The following NME7 variants were observed in gnomAD, a reference collection of about 807,000 sequenced individuals.
NME7 encodes nucleoside diphosphate kinase 7.
In NME7, 41 loss-of-function variants were observed where a neutral mutation model predicts 49.1. The ratio of observed to expected loss-of-function variants is 0.83; its 90% CI spans 0.65 to 1.08. The LOEUF (loss-of-function observed/expected upper bound fraction) is 1.08, where lower values mean the gene tolerates loss of function less well. Among genes scored for constraint, NME7 ranks in the 50% least tolerant of loss-of-function variants. The pLI is 0.00. For missense variants in NME7, 423 were observed against 463.4 expected, an observed-to-expected ratio of 0.91 and a Z score of 0.80; for synonymous variants, 139 against 150.6, an observed-to-expected ratio of 0.92 and a Z score of 0.56.
At position 169,309,962 on chromosome 1, in the gene NME7, A is replaced by C; in HGVS notation, c.389+8T>G. The C allele has an allele frequency of 2.0e-6, 3 of 1,483,610 alleles. No individual in the cohort carries two copies. Among genetic ancestry groups the C allele is most frequent in the Non-Finnish European group, 2.8e-6 (3 of 1,077,150 alleles). The allele number at this position is 1,483,610 out of a possible 1,614,324, so 91.9% of individuals were successfully genotyped here. On this transcript the variant is annotated splice_region_variant and intron_variant, in intron 4 of 11. Transcript: ENST00000367811. Reference sequence around the variant, plus strand: ...ACATTACATAACTGAAAATGATAAAAAAATTACCTTGAAAGCATCATCATT... The same window carrying C: ...ACATTACATAACTGAAAATGATAAACAAATTACCTTGAAAGCATCATCATT...
intron 1 of NME7, among the ~76,000 whole-genome samples, chr1:169,366,994 C>T (rs769987853): frequency 4.6e-5 from 7 of 152,110 alleles, no homozygotes; most frequent in Non-Finnish European, 1.0e-4. Context: ...CTAGAACCCT[C>T]TCAAACATAG....
At chr1:169,150,796 T>C (rs1031413882) in intron 11 of NME7, among the ~76,000 whole-genome samples, 1 of 148,314 alleles carries the variant, frequency 6.7e-6, no homozygotes, top group African/African-American at 2.5e-5. Flanking sequence ...CAAGTTCAGA[T>C]AGGTACAGAG....
Position 169,298,688 on chromosome 1 carries a change from C to A in NME7, c.516G>T (p.Trp172Cys). ...AGTTTGCAGGTCCCAGCAGTCTTTT[C>A]CATTCACATATAGCATCATCTCTTA... ...EILRDDAICE[W>C]KRLLGPANSG... Residue 172 changes from tryptophan to cysteine, a missense_variant, in exon 6 of 12, where the codon TGG becomes TGT. Physicochemically the swap from Trp to Cys is radical, Grantham distance 215. Coordinates refer to ENST00000367811, the MANE Select transcript of NME7 (RefSeq NM_013330.5). 6.2e-7 allele frequency: 1 copy of A among 1,613,910 alleles called. No homozygotes were observed. Among genetic ancestry groups the A allele is most frequent in the Non-Finnish European group, 8.5e-7 (1 of 1,179,904 alleles).
chr1:169,210,983 C>A (rs565140503), intron 10 of NME7, among the ~76,000 whole-genome samples: 2 of 139,418 alleles, frequency 1.4e-5, no homozygotes, highest in Non-Finnish European at 1.6e-5. Flanking sequence ...TCATATAGAT[C>A]ATAAGCTCTT....
intron 1 of NME7, among the ~76,000 whole-genome samples, chr1:169,346,091 G>A (rs1652943379): frequency 6.6e-6 from 1 of 151,930 alleles, no homozygotes; most frequent in Non-Finnish European, 1.5e-5. Flanking sequence ...CCTACTCCAA[G>A]CCACCATACT....
chr1:169,322,725 A>C (rs1472384556), intron 3 of NME7, among the ~76,000 whole-genome samples: 1 of 151,840 alleles, frequency 6.6e-6, no homozygotes, highest in Non-Finnish European at 1.5e-5. Context: ...AGGCAGCATT[A>C]GTTACAAACA....
At chr1:169,163,902 C>T (rs755955810) in intron 11 of NME7, among the ~76,000 whole-genome samples, 19 of 152,030 alleles carry the variant, frequency 1.2e-4, no homozygotes, top group Admixed American at 3.3e-4. Flanking sequence ...CAAGGTCAGG[C>T]GATCAAGACC....
chr1:169,141,312 A>G (rs989714547), intron 11 of NME7, among the ~76,000 whole-genome samples: 2 of 152,188 alleles, frequency 1.3e-5, no homozygotes, highest in Non-Finnish European at 2.9e-5. Context: ...GGCACTTAAC[A>G]TGGATAATGT....
intron 10 of NME7, among the ~76,000 whole-genome samples, chr1:169,216,457 C>T (rs1447744232): frequency 2.0e-5 from 3 of 152,232 alleles, no homozygotes; most frequent in African/African-American, 7.2e-5. Context: ...GTGGTGCACC[C>T]AGAGACAGCA....
chr1:169,262,700 C>A (rs553110581), intron 7 of NME7, among the ~76,000 whole-genome samples: 1 of 133,450 alleles, frequency 7.5e-6, no homozygotes, highest in Admixed American at 7.3e-5. Context: ...TGAGTGACAG[C>A]CCCCAGGGGG....
At chr1:169,249,399 T>C (rs1391574335) in intron 7 of NME7, among the ~76,000 whole-genome samples, 4 of 152,126 alleles carry the variant, frequency 2.6e-5, no homozygotes, top group Admixed American at 1.3e-4. Flanking sequence ...TTTAGGGTTT[T>C]CTAGGTATAC....
intron 10 of NME7, among the ~76,000 whole-genome samples, chr1:169,202,498 G>A (rs559330934): frequency 3.0e-4 from 46 of 152,190 alleles, no homozygotes; most frequent in Non-Finnish European, 5.0e-4. Context: ...CCAGTCTCAC[G>A]TATTTCTTTA....
At chr1:169,139,179 G>C (rs1160423888) in intron 11 of NME7, among the ~76,000 whole-genome samples, 1 of 152,042 alleles carries the variant, frequency 6.6e-6, no homozygotes, top group Non-Finnish European at 1.5e-5. Context: ...AGTCATAACA[G>C]TATCTTCTTC....
At chr1:169,356,255 A>G (rs960258491) in intron 1 of NME7, among the ~76,000 whole-genome samples, 2 of 152,178 alleles carry the variant, frequency 1.3e-5, no homozygotes, top group Non-Finnish European at 2.9e-5. Flanking sequence ...AATAGAAAAC[A>G]TTCTCTAAGT....
intron 10 of NME7, among the ~76,000 whole-genome samples, chr1:169,202,419 A>G (rs1660576263): frequency 6.6e-6 from 1 of 152,144 alleles, no homozygotes; most frequent in South Asian, 2.1e-4. Context: ...GCCTTTTGAC[A>G]TAACAGTAAG....
intron 1 of NME7, among the ~76,000 whole-genome samples, chr1:169,348,989 A>T (rs913941434): frequency 6.6e-6 from 1 of 152,012 alleles, no homozygotes; most frequent in East Asian, 1.9e-4. Context: ...TTTGGGCCCT[A>T]CCGCTTTCTA....
intron 10 of NME7, among the ~76,000 whole-genome samples, chr1:169,172,932 T>C (rs2101736576): frequency 6.6e-6 from 1 of 152,366 alleles, no homozygotes; most frequent in South Asian, 2.1e-4. Flanking sequence ...TTTCAATCCC[T>C]GAACACAATA....
At chr1:169,252,598 G>A (rs1003388680) in intron 7 of NME7, among the ~76,000 whole-genome samples, 1 of 152,180 alleles carries the variant, frequency 6.6e-6, no homozygotes, top group Non-Finnish European at 1.5e-5. Context: ...GTCTTTTGCT[G>A]CCATTGTTTT....
intron 7 of NME7, among the ~76,000 whole-genome samples, chr1:169,261,531 C>CT (rs1649162146): frequency 7.5e-6 from 1 of 134,152 alleles, no homozygotes. Context: ...GCACAGGGAT[C>CT]TGAGTTATAA....
Sources: allele counts gnomAD v4.1 joint callset (sites outside exome capture counted in the v4.1 genomes callset), GRCh38; gene constraint gnomAD v4.1.1; transcripts MANE v1.5; gene names NCBI Gene and HGNC (gene_info 2026-07-23, HGNC 2026-07-21).